Variants in FOCAD observed in about 807,000 individuals in gnomAD.
FOCAD encodes the protein focadhesin, also known as KIAA1797.
FOCAD carries 198 observed loss-of-function variants against 225.6 expected under a neutral mutation model. That is an observed-to-expected ratio of 0.88 (90% CI 0.78 to 0.99). FOCAD has a LOEUF of 0.99. Ranked by LOEUF, FOCAD falls within the 50% of genes least tolerant of loss-of-function variation. FOCAD has a pLI of 0.00. For synonymous variants in FOCAD, 897 were observed against 755.0 expected (o/e 1.19, Z -3.08); for missense variants, 2,713 against 2,123.6 (o/e 1.28, Z -5.46).
At chr9:20,789,317 A>G (rs1161861393) in intron 10 of FOCAD, 34 bp from the exon 11 acceptor site, 2 of 1,593,860 alleles carry the variant, frequency 1.3e-6, no homozygotes, top group Non-Finnish European at 1.7e-6. Context: ...TATTTATCTC[A>G]CTTATTTATG....
chr9:20,734,140 C>CTTT (rs540898399), intron 4 of FOCAD, among the ~76,000 whole-genome samples: 4 of 152,170 alleles, frequency 2.6e-5, no homozygotes, highest in Non-Finnish European at 5.9e-5. Context: ...GGTGAAACTA[C>CTTT]TTTTTGTCAT....
Position 20,947,484 on chromosome 9 carries a change from G to C in FOCAD, c.3675+664G>C, listed in dbSNP as rs79307996. ...ACAGAAAGTAGAATGGTGGTTGCTC[G>C]GGCCTACAGGAAGGGAGGAATGGGG... On this transcript the variant is annotated intron_variant, in intron 30 of 43. Coordinates refer to ENST00000338382, the MANE Select transcript of FOCAD (RefSeq NM_001375567.1). 2.2e-3 allele frequency among the ~76,000 whole-genome samples: 332 copies of C among 152,190 alleles called. 1 individual carries two copies. Among genetic ancestry groups the C allele is most frequent in the African/African-American group, 7.4e-3 (308 of 41,524 alleles).
intron 22 of FOCAD, among the ~76,000 whole-genome samples, chr9:20,910,312 T>C (rs1833334425): frequency 7.3e-6 from 1 of 136,680 alleles, no homozygotes; most frequent in Non-Finnish European, 1.6e-5. Context: ...AAAGGGCTCT[T>C]TGGAATTGTG....
At chr9:20,771,402 G>A (rs1212919553) in intron 8 of FOCAD, among the ~76,000 whole-genome samples, 1 of 152,188 alleles carries the variant, frequency 6.6e-6, no homozygotes, top group Non-Finnish European at 1.5e-5. Context: ...ACCACTAATA[G>A]GGTAGGAAGT....
At chr9:20,841,201 A>G (rs1038542474) in intron 15 of FOCAD, among the ~76,000 whole-genome samples, 4 of 151,796 alleles carry the variant, frequency 2.6e-5, no homozygotes, top group Non-Finnish European at 5.9e-5. Context: ...AAAATTGTTT[A>G]TCTTTTCTGA....
At chr9:20,728,271 G>T (rs539602609) in intron 4 of FOCAD, among the ~76,000 whole-genome samples, 1 of 152,190 alleles carries the variant, frequency 6.6e-6, no homozygotes, top group South Asian at 2.1e-4. Flanking sequence ...TGGATTTTGG[G>T]ATATTTGCAT....
chr9:20,836,798 A>G (rs988433385), intron 15 of FOCAD, among the ~76,000 whole-genome samples: 1 of 152,068 alleles, frequency 6.6e-6, no homozygotes, highest in Non-Finnish European at 1.5e-5. Flanking sequence ...TTCAGTACAC[A>G]TAAGTCATAT....
intron 8 of FOCAD, among the ~76,000 whole-genome samples, chr9:20,777,304 G>GTT (rs35710134): frequency 2.4e-4 from 27 of 110,852 alleles, no homozygotes; most frequent in Admixed American, 4.8e-4. Flanking sequence ...TTTCCTGTGG[G>GTT]TTTTTTTTTT....
chr9:20,737,478 C>T (rs1173388821), intron 4 of FOCAD, among the ~76,000 whole-genome samples: 1 of 152,202 alleles, frequency 6.6e-6, no homozygotes, highest in Non-Finnish European at 1.5e-5. Context: ...AATCATTAGG[C>T]TCAGAGTGCA....
intron 1 of FOCAD, among the ~76,000 whole-genome samples, chr9:20,709,682 A>G (rs1204201896): frequency 6.6e-6 from 1 of 152,184 alleles, no homozygotes; most frequent in Non-Finnish European, 1.5e-5. Flanking sequence ...GACACTTGCA[A>G]TTTGTAGCCC....
chr9:20,660,820 A>G (rs533977355), intron 2 of FOCAD, among the ~76,000 whole-genome samples: 4 of 152,242 alleles, frequency 2.6e-5, no homozygotes, highest in African/African-American at 7.2e-5. Context: ...GAAGTTAGAA[A>G]AAGAGCATAC....
intron 37 of FOCAD, among the ~76,000 whole-genome samples, chr9:20,978,949 GA>G (rs1274146169): frequency 6.6e-6 from 1 of 152,206 alleles, no homozygotes; most frequent in African/African-American, 2.4e-5. Flanking sequence ...TGTAAGTGGA[GA>G]GCATGAAAGA....
intron 5 of FOCAD, among the ~76,000 whole-genome samples, chr9:20,749,666 A>G (rs1487955204): frequency 6.6e-6 from 1 of 152,168 alleles, no homozygotes; most frequent in African/African-American, 2.4e-5. Context: ...AGCTGCATAC[A>G]TGAAAATGCA....
At chr9:20,942,302 A>G (rs1041582746) in intron 28 of FOCAD, among the ~76,000 whole-genome samples, 1 of 152,246 alleles carries the variant, frequency 6.6e-6, no homozygotes, top group Non-Finnish European at 1.5e-5. Context: ...ATCTCCTGAG[A>G]TGATGAAAGA....
At chr9:20,869,267 C>T (rs914521356) in intron 18 of FOCAD, among the ~76,000 whole-genome samples, 1 of 152,054 alleles carries the variant, frequency 6.6e-6, no homozygotes, top group Admixed American at 6.6e-5. Context: ...AAAGTGTGTC[C>T]ATATTCTCTC....
At chr9:20,911,499 A>C (rs1462279245) in intron 22 of FOCAD, among the ~76,000 whole-genome samples, 1 of 152,170 alleles carries the variant, frequency 6.6e-6, no homozygotes, top group Non-Finnish European at 1.5e-5. Context: ...TAAAAATATG[A>C]ATTATTTCAG....
intron 38 of FOCAD, among the ~76,000 whole-genome samples, chr9:20,982,075 T>A (rs1840749743): frequency 6.6e-6 from 1 of 152,074 alleles, no homozygotes. Context: ...CCAAAAGACC[T>A]CTGAATTGTA....
chr9:20,957,089 G>C (rs1336447818), intron 35 of FOCAD, among the ~76,000 whole-genome samples: 1 of 152,120 alleles, frequency 6.6e-6, no homozygotes, highest in Non-Finnish European at 1.5e-5. Flanking sequence ...TTGAGACAAG[G>C]TCTCGGCTCT....
At chr9:20,757,427 A>C (rs574379559) in intron 5 of FOCAD, among the ~76,000 whole-genome samples, 1 of 152,244 alleles carries the variant, frequency 6.6e-6, no homozygotes, top group South Asian at 2.1e-4. Context: ...GAATCCTTCA[A>C]ATTTCAGATT....
Sources: gnomAD v4.1 joint callset for allele counts (sites outside exome capture counted in the v4.1 genomes callset) on GRCh38, gnomAD v4.1.1 for gene constraint, MANE v1.5 for transcripts, NCBI Gene and HGNC (gene_info 2026-07-23, HGNC 2026-07-21) for gene names.